The following EBF4 variants were observed in gnomAD, a reference collection of about 807,000 sequenced individuals.
The protein encoded by EBF4 is transcription factor COE4.
In EBF4, 34 loss-of-function variants were observed where a neutral mutation model predicts 67.1. The observed-to-expected ratio is 0.51, with a 90% CI of 0.39 to 0.67. The LOEUF (loss-of-function observed/expected upper bound fraction) is 0.67. EBF4 is among the 30% of genes least tolerant of loss of function. The probability of loss-of-function intolerance (pLI) is 0.00; values close to 1 mark genes in which losing one functional copy is unlikely to be tolerated. For missense variants in EBF4, 837 were observed against 873.3 expected, an observed-to-expected ratio of 0.96 and a Z score of 0.52; for synonymous variants, 387 against 377.7, an observed-to-expected ratio of 1.02 and a Z score of -0.29.
chr20:2,728,098 C>T (rs1325325005), intron 6 of EBF4, among the ~76,000 whole-genome samples: 2 of 152,052 alleles, frequency 1.3e-5, no homozygotes, highest in African/African-American at 4.8e-5. Flanking sequence ...TTTATGATAC[C>T]AAGTCTTTAA....
In EBF4 at chr20:2,756,411, A is replaced by G. The variant is rs1460817534; in HGVS notation, c.1738+587A>G. The stretch of plus-strand genomic sequence containing the variant: ...CCTTTGAACCAGCAGAGCCTTTCCT[A>G]TCCACGTGGTGATTGGAAACTCACT... On this transcript the variant is annotated intron_variant, in intron 15 of 16. Coordinates refer to ENST00000609451, the Ensembl canonical transcript of EBF4. The surrounding 1 kb of genome is among the most constrained non-coding windows in gnomAD (Gnocchi z 4.5). Among the ~76,000 whole-genome samples the G allele has an allele frequency of 1.3e-5, 2 of 152,188 alleles. No individual in the cohort carries two copies. Among genetic ancestry groups the G allele is most frequent in the Non-Finnish European group, 2.9e-5 (2 of 68,034 alleles).
At position 2,693,616 on chromosome 20, in the gene EBF4, GGCGGGGGC is replaced by G; in HGVS notation, c.-27_-20del. The G allele has an allele frequency of 5.9e-6, 8 of 1,362,754 alleles. No homozygotes were observed. The highest frequency in any genetic ancestry group is 7.5e-6 in the Non-Finnish European group (8 of 1,061,372). The allele number at this position is 1,362,754 out of a possible 1,614,324, so 84.4% of individuals were successfully genotyped here. ...GCCTCAGCGGGACCGGATCCGGGGC[GGCGGGGGC>G]GCTCACTCACCGCGCGCCCTCATGT... On this transcript the variant is annotated 5_prime_UTR_variant, in exon 1 of 17. Coordinates refer to ENST00000609451, the Ensembl canonical transcript of EBF4. The surrounding 1 kb of genome is among the most constrained non-coding windows in gnomAD (Gnocchi z 4.6).
intron 1 of EBF4, among the ~76,000 whole-genome samples, chr20:2,702,139 AG>A (rs2087385107): frequency 6.6e-6 from 1 of 152,194 alleles, no homozygotes; most frequent in Admixed American, 6.5e-5. Flanking sequence ...GTGGTCAGAA[AG>A]AAAGGTGTTG....
intron 6 of EBF4, among the ~76,000 whole-genome samples, chr20:2,729,311 C>A (rs1263404361): frequency 6.6e-6 from 1 of 152,292 alleles, no homozygotes. Flanking sequence ...CAGGCATGGT[C>A]CTTGCCCTAA....
At chr20:2,749,681 C>G (rs978301974) in exon 9 of EBF4, 18 of 1,567,100 alleles carry the variant, frequency 1.1e-5, no homozygotes, top group Admixed American at 1.9e-5. Context: ...GCGGCGCCAC[C>G]GTCATTGTCA....
chr20:2,694,785 C>G (rs538936767), intron 1 of EBF4, among the ~76,000 whole-genome samples: 1 of 152,242 alleles, frequency 6.6e-6, no homozygotes, highest in African/African-American at 2.4e-5. Context: ...CTCAACCTCA[C>G]CGTGTAACAG....
intron 6 of EBF4, among the ~76,000 whole-genome samples, chr20:2,741,289 G>C (rs1247808355): frequency 2.0e-5 from 3 of 152,022 alleles, no homozygotes; most frequent in Non-Finnish European, 4.4e-5. Context: ...TCCAGTCTGG[G>C]TGACAGAGCG....
At chr20:2,716,774 T>C (rs1391881332) in intron 6 of EBF4, among the ~76,000 whole-genome samples, 1 of 152,146 alleles carries the variant, frequency 6.6e-6, no homozygotes, top group African/African-American at 2.4e-5. Context: ...ATGTCCTATA[T>C]CAAGTTTTCT....
At chr20:2,713,129 A>C (rs1007833224) in intron 6 of EBF4, among the ~76,000 whole-genome samples, 1 of 152,190 alleles carries the variant, frequency 6.6e-6, no homozygotes. Context: ...CAGCTTGCTC[A>C]TATGCTGACG....
At chr20:2,753,845 C>T (rs2088195512) in intron 14 of EBF4, among the ~76,000 whole-genome samples, 1 of 152,198 alleles carries the variant, frequency 6.6e-6, no homozygotes, top group Non-Finnish European at 1.5e-5. Context: ...AGGCCATGGC[C>T]TTCTGGTGTC....
At chr20:2,740,480 C>G (rs8114842) in intron 6 of EBF4, among the ~76,000 whole-genome samples, 20,127 of 152,206 alleles carry the variant, frequency 0.13, 1,432 homozygotes, top group East Asian at 0.19. Context: ...TTGCCCCTGA[C>G]AGACCTGTAG....
Position 2,714,814 on chromosome 20 carries a change from C to T in EBF4, c.557+5172C>T, listed in dbSNP as rs565570891. ...CAGTTCCTAAATCTTTTACATACTC[C>T]GGGTTTTCATTATATTTAGAAAGGC... On this transcript the variant is annotated intron_variant, in intron 6 of 16. Transcript: ENST00000609451. 5.6e-4 allele frequency among the ~76,000 whole-genome samples: 85 copies of T among 152,080 alleles called. 1 individual carries two copies. Among genetic ancestry groups the T allele is most frequent in the African/African-American group, 1.7e-3 (72 of 41,466 alleles).
chr20:2,725,441 T>G (rs2087735344), intron 6 of EBF4, among the ~76,000 whole-genome samples: 1 of 152,240 alleles, frequency 6.6e-6, no homozygotes, highest in South Asian at 2.1e-4. Context: ...TGGTCTCTTC[T>G]TGCTTGCTCA....
chr20:2,714,575 C>T (rs2087584725), intron 6 of EBF4, among the ~76,000 whole-genome samples: 1 of 152,218 alleles, frequency 6.6e-6, no homozygotes, highest in South Asian at 2.1e-4. Context: ...TGGTCTCGAG[C>T]TCCTGGGCTC....
In EBF4 at chr20:2,757,140, AG is replaced by A. The variant is rs2088257593; in HGVS notation, c.1738+1321del. Reference sequence around the variant, plus strand: ...GGCAGCCTCCAGGCTGAGACAGGGGAGGGGGCTGTGGAAAATGCTCTATGGA... The same window carrying A: ...GGCAGCCTCCAGGCTGAGACAGGGGAGGGGCTGTGGAAAATGCTCTATGGA... On this transcript the variant is annotated intron_variant, in intron 15 of 16. Transcript: ENST00000609451. Among the ~76,000 whole-genome samples the A allele has an allele frequency of 3.3e-5, 5 of 152,192 alleles. No individual in the cohort carries two copies. In the South Asian group the frequency reaches 1.0e-3, roughly 32 times the overall value.
intron 5 of EBF4, 80 bp downstream of exon 5, chr20:2,708,100 C>T (rs1018980481): frequency 5.5e-5 from 78 of 1,426,766 alleles, no homozygotes; most frequent in Middle Eastern, 3.6e-4. Context: ...GCCCCCTCGC[C>T]GCCCTTGCCC....
Position 2,709,776 on chromosome 20 carries a change from G to A in EBF4, c.557+134G>A, listed in dbSNP as rs557888062. On this transcript the variant is annotated intron_variant, in intron 6 of 16. Coordinates refer to ENST00000609451, the Ensembl canonical transcript of EBF4. ...GGGGCACCAGGTTGGGTGGCTCTGA[G>A]CAGAGAGGGAAACTGCCAGGCACCA... The A allele has an allele frequency of 5.4e-5, 49 of 914,574 alleles. No individual in the cohort carries two copies. In the African/African-American group the frequency reaches 6.4e-4, roughly 12 times the overall value. 56.7% of individuals were successfully genotyped at this position (914,574 alleles called of 1,614,324 possible).
chr20:2,759,058 A>C (rs2088287188), intron 16 of EBF4, 74 bp downstream of exon 16: 2 of 1,395,302 alleles, frequency 1.4e-6, no homozygotes, highest in Admixed American at 2.0e-5. Flanking sequence ...AAAGGCCTTC[A>C]TCCTGTGCTC....
At chr20:2,704,315 C>A (rs768793819) in intron 1 of EBF4, among the ~76,000 whole-genome samples, 3 of 152,086 alleles carry the variant, frequency 2.0e-5, no homozygotes, top group Non-Finnish European at 4.4e-5. Flanking sequence ...CAAATACACC[C>A]ATGTCTGTGG....
Sources: allele counts gnomAD v4.1 joint callset (sites outside exome capture counted in the v4.1 genomes callset), GRCh38; gene constraint gnomAD v4.1.1; non-coding constraint Gnocchi (gnomAD v3.1); transcripts MANE v1.5; gene names NCBI Gene and HGNC (gene_info 2026-07-23, HGNC 2026-07-21).